The following SAMD3 variants were observed in gnomAD, a reference collection of about 807,000 sequenced individuals.
SAMD3 encodes the protein sterile alpha motif domain containing 3, also known as sterile alpha motif domain-containing protein 3.
In SAMD3, 63 loss-of-function variants were observed where a neutral mutation model predicts 58.5. That is an observed-to-expected ratio of 1.08 (90% CI 0.88 to 1.33). The LOEUF (loss-of-function observed/expected upper bound fraction) is 1.33, where lower values mean the gene tolerates loss of function less well. Among genes scored for constraint, SAMD3 ranks in the 40% most tolerant of loss-of-function variants. The probability of loss-of-function intolerance (pLI) is 0.00; values close to 1 mark genes in which losing one functional copy is unlikely to be tolerated. For missense variants in SAMD3, 604 were observed against 608.4 expected (o/e 0.99, Z 0.08); for synonymous variants, 220 against 210.3 (o/e 1.05, Z -0.40).
chr6:130,352,641 C>T (rs892054621), intron 1 of SAMD3, among the ~76,000 whole-genome samples: 7 of 152,164 alleles, frequency 4.6e-5, no homozygotes, highest in Non-Finnish European at 5.9e-5. Context: ...TTTCACTTTC[C>T]TAGAACTTGC....
chr6:130,271,186 G>A (rs1218711853), intron 2 of SAMD3, among the ~76,000 whole-genome samples: 5 of 151,930 alleles, frequency 3.3e-5, no homozygotes, highest in African/African-American at 1.2e-4. Flanking sequence ...TTTTTGTAGA[G>A]ACAGGGTTTC....
chr6:130,238,561 CA>C (rs74702591), intron 2 of SAMD3, among the ~76,000 whole-genome samples: 24,552 of 138,046 alleles, frequency 0.18, 2,205 homozygotes, highest in East Asian at 0.37. Context: ...AGTAAAAGGA[CA>C]AAAAAAAAAA....
intron 1 of SAMD3, among the ~76,000 whole-genome samples, chr6:130,326,908 T>C (rs1776778787): frequency 6.6e-6 from 1 of 152,222 alleles, no homozygotes; most frequent in Non-Finnish European, 1.5e-5. Context: ...GTGAATACCA[T>C]TTTTAACTGT....
intron 1 of SAMD3, among the ~76,000 whole-genome samples, chr6:130,364,934 A>G (rs1388225846): frequency 7.7e-6 from 1 of 130,180 alleles, no homozygotes; most frequent in African/African-American, 2.9e-5. Context: ...CTTTTCTTGA[A>G]AACGAGATAA....
intron 5 of SAMD3, among the ~76,000 whole-genome samples, chr6:130,194,496 T>C (rs139813910): frequency 0.022 from 3,418 of 152,182 alleles, 46 homozygotes; most frequent in Non-Finnish European, 0.027. Context: ...AAAGTTGCAA[T>C]TCCTTGCCTC....
intron 1 of SAMD3, among the ~76,000 whole-genome samples, chr6:130,318,371 T>A (rs1776461896): frequency 6.6e-6 from 1 of 152,162 alleles, no homozygotes. Context: ...ATAAAATACA[T>A]ATGCAGCACC....
At chr6:130,318,272 TA>T (rs1366877757) in intron 1 of SAMD3, among the ~76,000 whole-genome samples, 1 of 152,064 alleles carries the variant, frequency 6.6e-6, no homozygotes, top group Non-Finnish European at 1.5e-5. Flanking sequence ...TGTTTCTGCC[TA>T]ACAAAGCTTA....
chr6:130,313,113 C>G (rs1348411480), intron 1 of SAMD3: 1 of 152,144 alleles, frequency 6.6e-6, no homozygotes, highest in Non-Finnish European at 1.5e-5. Flanking sequence ...CACAGAAGGC[C>G]AAGACTCACC....
rs139858844 is a variant in SAMD3, at chr6:130,335,555, A to G, written c.-303-22462T>C. On this transcript the variant is annotated intron_variant, in intron 1 of 13. Coordinates refer to the SAMD3 transcript ENST00000368134. ...TGTAAGCCAACATTATCAAACACAT[A>G]CTCTGTGTCAGTAGATGACTATGCT... Among the ~76,000 whole-genome samples, 258 of 152,326 alleles carry G rather than the reference A, an allele frequency of 1.7e-3. 3 individuals are homozygous for G. Among genetic ancestry groups the G allele is most frequent in the African/African-American group, 4.2e-3 (173 of 41,566 alleles).
At chr6:130,201,188 C>T (rs905985911) in intron 5 of SAMD3, among the ~76,000 whole-genome samples, 3 of 152,108 alleles carry the variant, frequency 2.0e-5, no homozygotes, top group Non-Finnish European at 4.4e-5. Flanking sequence ...CATTTTTCTC[C>T]AATCCATTCT....
At chr6:130,226,986 C>G (rs1796397818), upstream of SAMD3, among the ~76,000 whole-genome samples, 1 of 152,192 alleles carries the variant, frequency 6.6e-6, no homozygotes, top group Non-Finnish European at 1.5e-5. Flanking sequence ...AGTTTACCGT[C>G]TTAACCCTTT....
intron 7 of SAMD3, among the ~76,000 whole-genome samples, chr6:130,180,037 ACT>A: frequency 6.7e-6 from 1 of 148,850 alleles, no homozygotes; most frequent in East Asian, 2.0e-4. Flanking sequence ...ATGGTCTTGA[ACT>A]CCTGACCTCA....
rs540878234 is a variant in SAMD3 at position 130,339,098 on chromosome 6, G to A, written c.-303-26005C>T. Reference sequence around the variant, plus strand: ...GTCTCCCTTTGTTGCCCAGGCTGGAGTGTAGCAGCACAATCTCAGCTCACT... The same window carrying A: ...GTCTCCCTTTGTTGCCCAGGCTGGAATGTAGCAGCACAATCTCAGCTCACT... On this transcript the variant is annotated intron_variant, in intron 1 of 13. Coordinates refer to the SAMD3 transcript ENST00000368134. Among the ~76,000 whole-genome samples, 3 of 152,176 alleles carry A rather than the reference G, an allele frequency of 2.0e-5. No homozygotes were observed. The East Asian group carries it at 5.8e-4, about 29-fold the overall frequency.
chr6:130,284,957 T>A (rs1056370345), intron 2 of SAMD3, among the ~76,000 whole-genome samples: 3 of 152,166 alleles, frequency 2.0e-5, no homozygotes, highest in Non-Finnish European at 4.4e-5. Context: ...AGCAGACATG[T>A]AAAATTCTTT....
chr6:130,332,786 C>A (rs1272073542), intron 1 of SAMD3, among the ~76,000 whole-genome samples: 1 of 151,978 alleles, frequency 6.6e-6, no homozygotes, highest in African/African-American at 2.4e-5. Context: ...CCCTAGGTCC[C>A]GAGAGGCTGT....
intron 2 of SAMD3, among the ~76,000 whole-genome samples, chr6:130,234,850 G>T (rs62431206): frequency 0.14 from 21,642 of 152,266 alleles, 1,760 homozygotes; most frequent in East Asian, 0.36. Context: ...AGAGGGACAG[G>T]CACCATGGCT....
chr6:130,341,156 A>AGG (rs1350932352), intron 1 of SAMD3, among the ~76,000 whole-genome samples: 1 of 115,718 alleles, frequency 8.6e-6, no homozygotes, highest in Non-Finnish European at 1.6e-5. Flanking sequence ...GGAGGGAGGA[A>AGG]GAGAGGGAGG....
upstream of SAMD3, among the ~76,000 whole-genome samples, chr6:130,225,456 A>G (rs1796361649): frequency 6.6e-6 from 1 of 152,202 alleles, no homozygotes; most frequent in Non-Finnish European, 1.5e-5. Context: ...AAGCTTTAAA[A>G]CCAGAAGGAT....
intron 9 of SAMD3, among the ~76,000 whole-genome samples, chr6:130,148,575 A>G (rs936739882): frequency 6.6e-6 from 1 of 152,318 alleles, no homozygotes; most frequent in African/African-American, 2.4e-5. Context: ...GAATGGCTTT[A>G]AAAACTAAGA....
Sources: gnomAD v4.1 joint callset for allele counts (sites outside exome capture counted in the v4.1 genomes callset) on GRCh38, gnomAD v4.1.1 for gene constraint, MANE v1.5 for transcripts, NCBI Gene and HGNC (gene_info 2026-07-23, HGNC 2026-07-21) for gene names.